SFMBT2: variants seen among roughly 807,000 people sequenced by gnomAD.
SFMBT2 encodes the protein scm-like with four MBT domains protein 2.
A neutral mutation model predicts 110.1 loss-of-function variants in SFMBT2; 38 were observed. The observed-to-expected ratio is 0.35, with a 90% CI of 0.27 to 0.45. SFMBT2 has a LOEUF of 0.45. Ranked by LOEUF, SFMBT2 falls within the 20% of genes least tolerant of loss-of-function variation. The pLI, the probability that SFMBT2 is intolerant of heterozygous loss-of-function variation, is 1.00. For synonymous variants in SFMBT2, 425 were observed against 425.4 expected (o/e 1.00, Z 0.01); for missense variants, 1,011 against 1,094.9 (o/e 0.92, Z 1.08).
At chr10:7,400,462 G>A (rs1846046570) in intron 1 of SFMBT2, among the ~76,000 whole-genome samples, 2 of 152,130 alleles carry the variant, frequency 1.3e-5, no homozygotes, top group South Asian at 4.1e-4. Flanking sequence ...TCCCACAGAG[G>A]GTAGATTAGG....
chr10:7,343,079 T>C (rs1180008819), intron 4 of SFMBT2, among the ~76,000 whole-genome samples: 2 of 151,992 alleles, frequency 1.3e-5, no homozygotes, highest in African/African-American at 4.8e-5. Flanking sequence ...ATGATTCCCA[T>C]CTTTATGTCC....
At chr10:7,372,339 T>C (rs1000603233) in intron 2 of SFMBT2, among the ~76,000 whole-genome samples, 3 of 152,230 alleles carry the variant, frequency 2.0e-5, no homozygotes, top group African/African-American at 7.2e-5. Context: ...TGAAAGGCTA[T>C]TTTAAATTTT....
rs1023927020 is a variant in SFMBT2 at position 7,165,717 on chromosome 10, C to A, written c.2545-1807G>T. Among the ~76,000 whole-genome samples, 5 of 152,254 alleles carry A rather than the reference C, an allele frequency of 3.3e-5. No individual in the cohort carries two copies. The South Asian group carries it at 1.0e-3, about 31-fold the overall frequency. ...TAAACAGATCTGTCTTGTATACACA[C>A]TGAAAGCAGGAGACAAACTGTAGAA... On this transcript the variant is annotated intron_variant, in intron 20 of 20. Coordinates refer to ENST00000397167, the MANE Select transcript of SFMBT2 (RefSeq NM_001387889.1).
At chr10:7,391,773 T>G (rs866692694) in intron 1 of SFMBT2, among the ~76,000 whole-genome samples, 2 of 152,248 alleles carry the variant, frequency 1.3e-5, no homozygotes, top group Non-Finnish European at 2.9e-5. Flanking sequence ...CCTGATAGTT[T>G]CTCTGTGGAT....
intron 4 of SFMBT2, among the ~76,000 whole-genome samples, chr10:7,311,818 C>T (rs1842865206): frequency 6.6e-6 from 1 of 152,114 alleles, no homozygotes; most frequent in South Asian, 2.1e-4. Flanking sequence ...TATTGAAGTG[C>T]CGGAGTTAGT....
At chr10:7,321,188 A>T (rs1843173887) in intron 4 of SFMBT2, among the ~76,000 whole-genome samples, 1 of 148,600 alleles carries the variant, frequency 6.7e-6, no homozygotes, top group Non-Finnish European at 1.5e-5. Context: ...TCACTGAGGC[A>T]TTTATGAGCA....
chr10:7,201,143 G>T (rs1375828773), intron 13 of SFMBT2, among the ~76,000 whole-genome samples: 1 of 152,200 alleles, frequency 6.6e-6, no homozygotes, highest in Non-Finnish European at 1.5e-5. Flanking sequence ...TGGTTGAAAA[G>T]CTCCTTAAGC....
chr10:7,384,351 G>A lies in SFMBT2; in HGVS notation c.-51-2402C>T, dbSNP rs550811874. The stretch of plus-strand genomic sequence containing the variant: ...GAAGCGAGTGAGCACAATCTTAACC[G>A]TGGCCCTCTAGATGCCTAAATCTAA... On this transcript the variant is annotated intron_variant, in intron 1 of 20. Coordinates refer to ENST00000397167, the MANE Select transcript of SFMBT2 (RefSeq NM_001387889.1). 4.6e-5 allele frequency among the ~76,000 whole-genome samples: 7 copies of A among 151,464 alleles called. 1 individual carries two copies. The highest frequency in any genetic ancestry group is 1.7e-4 in the African/African-American group (7 of 41,280).
intron 1 of SFMBT2, among the ~76,000 whole-genome samples, chr10:7,391,784 T>TTTG (rs566253415): frequency 6.6e-6 from 1 of 152,172 alleles, no homozygotes. Flanking sequence ...CTCTGTGGAT[T>TTTG]TTGTTGTTGT....
chr10:7,299,765 T>G (rs182665811), intron 4 of SFMBT2, among the ~76,000 whole-genome samples: 4 of 152,194 alleles, frequency 2.6e-5, no homozygotes, highest in Non-Finnish European at 5.9e-5. Context: ...TGTGTCTTTA[T>G]AGTAGAATGA....
At chr10:7,361,672 C>T (rs900811440) in intron 4 of SFMBT2, among the ~76,000 whole-genome samples, 2 of 152,122 alleles carry the variant, frequency 1.3e-5, no homozygotes, top group African/African-American at 4.8e-5. Flanking sequence ...CTGCAGAGTA[C>T]GCAATTCAAA....
intron 7 of SFMBT2, chr10:7,249,637 C>T (rs1840736642): frequency 2.7e-6 from 2 of 733,084 alleles, no homozygotes; most frequent in South Asian, 6.2e-5. Flanking sequence ...CCAACGACGC[C>T]ACTCTATATC....
chr10:7,216,389 G>A (rs1839538773), intron 11 of SFMBT2, among the ~76,000 whole-genome samples: 1 of 152,166 alleles, frequency 6.6e-6, no homozygotes, highest in Non-Finnish European at 1.5e-5. Flanking sequence ...GTTTTAGAAG[G>A]GGTTTCCCTT....
intron 4 of SFMBT2, among the ~76,000 whole-genome samples, chr10:7,351,747 G>A (rs1196727444): frequency 6.6e-6 from 1 of 152,094 alleles, no homozygotes; most frequent in Non-Finnish European, 1.5e-5. Flanking sequence ...CGAGTGAGGA[G>A]CTACTGGCTA....
rs1588761505 is a variant in SFMBT2 at position 7,171,473 on chromosome 10, G to T, written c.2416-417C>A. On this transcript the variant is annotated intron_variant, in intron 19 of 20. Coordinates refer to ENST00000397167, the MANE Select transcript of SFMBT2 (RefSeq NM_001387889.1). This position sits in a 1 kb window ranked among gnomAD's most constrained non-coding sequence, Gnocchi z 4.9. ...TTCTGCTGATCTCACACCACCCATG[G>T]GGCTAGGGGAGACCTGAAACACTGA... is the stretch of plus-strand genomic sequence containing the variant. The T allele has an allele frequency of 2.0e-6, 2 of 985,400 alleles. No homozygotes were observed. The highest frequency in any genetic ancestry group is 1.0e-3 in the Middle Eastern group (2 of 1,914). The allele number at this position is 985,400 out of a possible 1,614,324, so 61.0% of individuals were successfully genotyped here.
At position 7,209,876 on chromosome 10, in the gene SFMBT2, C is replaced by T. The variant is rs1471498537; in HGVS notation, c.1331-3948G>A. On this transcript the variant is annotated intron_variant, in intron 11 of 20. Coordinates refer to ENST00000397167, the MANE Select transcript of SFMBT2 (RefSeq NM_001387889.1). ...CAACCAAGGCCTCCACAATCACCAC[C>T]ATTGTAACAATACAACCATAGACAC... is the stretch of plus-strand genomic sequence containing the variant. Among the ~76,000 whole-genome samples, 6 of 152,130 alleles carry T rather than the reference C, an allele frequency of 3.9e-5. No homozygotes were observed. In the East Asian group the frequency reaches 1.2e-3, roughly 29 times the overall value.
At chr10:7,373,142 C>T (rs1335179849) in intron 2 of SFMBT2, among the ~76,000 whole-genome samples, 1 of 152,200 alleles carries the variant, frequency 6.6e-6, no homozygotes, top group Non-Finnish European at 1.5e-5. Flanking sequence ...AGATTAATGT[C>T]CTCCCTCAGG....
In SFMBT2 at chr10:7,205,797, CAACTG is replaced by C; in HGVS notation, c.1444+13_1444+17del. 6.2e-7 allele frequency: 1 copy of C among 1,610,786 alleles called. No homozygotes were observed. The highest frequency in any genetic ancestry group is 8.5e-7 in the Non-Finnish European group (1 of 1,177,718). On this transcript the variant is annotated intron_variant, in intron 12 of 20. Transcript: ENST00000397167. ...ATCACTGGTGTCATCCACCCCCCCT[CAACTG>C]GGAACCACTTACAGACTGTTTTGTG...
At chr10:7,393,280 C>T (rs1458415039) in intron 1 of SFMBT2, among the ~76,000 whole-genome samples, 2 of 152,022 alleles carry the variant, frequency 1.3e-5, no homozygotes. Flanking sequence ...ATCCACCCGT[C>T]TTGGCCTCCC....
Sources: gnomAD v4.1 joint callset for allele counts (sites outside exome capture counted in the v4.1 genomes callset) on GRCh38, gnomAD v4.1.1 for gene constraint, Gnocchi (gnomAD v3.1) non-coding constraint, MANE v1.5 for transcripts, NCBI Gene and HGNC (gene_info 2026-07-23, HGNC 2026-07-21) for gene names.